Variants in MAP3K10 observed in about 807,000 individuals in gnomAD.
MAP3K10 encodes the protein MKN28 derived nonreceptor_type serine/threonine kinase.
Under a neutral mutation model 75.0 loss-of-function variants are expected in MAP3K10, and 22 were observed. The observed-to-expected ratio is 0.29, with a 90% confidence interval of 0.21 to 0.42. The LOEUF (loss-of-function observed/expected upper bound fraction) is 0.42, where lower values mean the gene tolerates loss of function less well. Ranked by LOEUF, MAP3K10 falls within the 10% of genes least tolerant of loss-of-function variation. MAP3K10 has a pLI of 1.00. For missense variants in MAP3K10, 1,165 were observed against 1,379.8 expected (o/e 0.84, Z 2.47); for synonymous variants, 599 against 612.9 (o/e 0.98, Z 0.34).
Position 40,213,351 on chromosome 19 carries a change from C to T in MAP3K10, c.1837+163C>T. 1 of 1,453,448 alleles carries T rather than the reference C, an allele frequency of 6.9e-7. No homozygotes were observed. Among genetic ancestry groups the T allele is most frequent in the Non-Finnish European group, 9.0e-7 (1 of 1,107,320 alleles). 90.0% of individuals were successfully genotyped at this position (1,453,448 alleles called of 1,614,324 possible). Reference sequence around the variant, plus strand: ...GGGCGTGGGGGGTCATTTCCAGGGGCAGGGACCACCCTTCTCTGAGGCTTC... The same window carrying T: ...GGGCGTGGGGGGTCATTTCCAGGGGTAGGGACCACCCTTCTCTGAGGCTTC... On this transcript the variant is annotated intron_variant, in intron 8 of 9. Coordinates refer to ENST00000253055, the MANE Select transcript of MAP3K10 (RefSeq NM_002446.4). This position sits in a 1 kb window ranked among gnomAD's most constrained non-coding sequence, Gnocchi z 5.7.
At chr19:40,203,068 G>A (rs750630532) in intron 2 of MAP3K10, among the ~76,000 whole-genome samples, 12 of 152,204 alleles carry the variant, frequency 7.9e-5, no homozygotes, top group African/African-American at 1.4e-4. Flanking sequence ...TGGGCCGGGC[G>A]CAGTGGCTCA....
At position 40,212,822 on chromosome 19, in the gene MAP3K10, G is replaced by A; in HGVS notation, c.1570G>A (p.Gly524Ser). The change falls in exon 7 of 10, where the codon GGT (glycine) becomes AGT (serine). Residue 524 changes from glycine (G) to serine (S), a missense_variant. This residue lies in a region of MAP3K10 where 575 missense variants were observed against 793.2 expected (regional missense o/e 0.72). Coordinates refer to ENST00000253055, the MANE Select transcript of MAP3K10 (RefSeq NM_002446.4). The surrounding 1 kb of genome is among the most constrained non-coding windows in gnomAD (Gnocchi z 4.2). ...RAIRLTPVDCGGSSSGSSSGG... is the reference protein window; with the variant it reads ...RAIRLTPVDCSGSSSGSSSGG... ...GGACCCAGTGACTCCCGTGGACTGT[G>A]GTGGCAGCAGCAGTGGCAGCAGCAG... 2 of 1,597,214 alleles carry A rather than the reference G, an allele frequency of 1.3e-6. No homozygotes were observed. The highest frequency in any genetic ancestry group is 1.7e-6 in the Non-Finnish European group (2 of 1,173,144).
rs1319899858 is a variant in MAP3K10, at chr19:40,191,985, G to A, written c.-47G>A. On this transcript the variant is annotated 5_prime_UTR_variant, in exon 1 of 10. Transcript: ENST00000253055. ...CCGGGGCCCGCCCTCTGCATCCCGC[G>A]GGCAGCCTGTGTGAAGCGGCCTCCC... 2.3e-6 allele frequency: 3 copies of A among 1,295,484 alleles called. No homozygotes were observed. Among genetic ancestry groups the A allele is most frequent in the Non-Finnish European group, 3.0e-6 (3 of 989,922 alleles). The allele number at this position is 1,295,484 out of a possible 1,614,324, so 80.2% of individuals were successfully genotyped here. A position where few individuals can be genotyped will look rare whatever the true frequency, so the allele number is the denominator to read the frequency against.
At chr19:40,214,945 ACCT>A in intron 9 of MAP3K10, 22 bp from the exon 10 acceptor site, 5 of 1,200,704 alleles carry the variant, frequency 4.2e-6, no homozygotes, top group Non-Finnish European at 6.1e-6. Context: ...CACCCCACTC[ACCT>A]CCTCTGAACC....
At chr19:40,214,383 G>C (rs1421286121) in intron 9 of MAP3K10, among the ~76,000 whole-genome samples, 162 bp downstream of exon 9, 1 of 152,156 alleles carries the variant, frequency 6.6e-6, no homozygotes, top group South Asian at 2.1e-4. Context: ...TGGAGGCATC[G>C]GGGGTCTCCA....
intron 5 of MAP3K10, among the ~76,000 whole-genome samples, chr19:40,208,071 A>G (rs1349428610): frequency 6.6e-6 from 1 of 152,092 alleles, no homozygotes; most frequent in African/African-American, 2.4e-5. Flanking sequence ...TAAAAGTTAG[A>G]GTTGAAAAAG....
chr19:40,211,672 C>T (rs1973243169), intron 6 of MAP3K10, among the ~76,000 whole-genome samples: 2 of 152,022 alleles, frequency 1.3e-5, no homozygotes, highest in Admixed American at 1.3e-4. Flanking sequence ...ATAATGGCTT[C>T]CAGCTCCATC....
intron 2 of MAP3K10, among the ~76,000 whole-genome samples, chr19:40,201,794 C>CTTTT (rs757199734): frequency 8.1e-6 from 1 of 123,414 alleles, no homozygotes. Context: ...CACACGCCAG[C>CTTTT]TTTTTTTTTT....
rs1972824334 is a variant in MAP3K10, at chr19:40,192,028, C to T, written c.-4C>T. 3 of 1,422,082 alleles carry T rather than the reference C, an allele frequency of 2.1e-6. No individual in the cohort carries two copies. Among genetic ancestry groups the T allele is most frequent in the Non-Finnish European group, 2.7e-6 (3 of 1,092,112 alleles). The allele number at this position is 1,422,082 out of a possible 1,614,324, so 88.1% of individuals were successfully genotyped here. ...GGCCTCCCGCAGCCCCCGGCCCCTC[C>T]CCCATGGAGGAGGAGGAGGGGGCGG... On this transcript the variant is annotated 5_prime_UTR_variant, in exon 1 of 10. Transcript: ENST00000253055. This position sits in a 1 kb window ranked among gnomAD's most constrained non-coding sequence, Gnocchi z 7.1.
chr19:40,192,624 A>C lies in MAP3K10; in HGVS notation c.593A>C (p.Asn198Thr). 1.2e-6 allele frequency: 2 copies of C among 1,610,870 alleles called. No individual in the cohort carries two copies. The highest frequency in any genetic ancestry group is 4.5e-5 in the East Asian group (2 of 44,860). ...GRRVPPHVLV[N>T]WAVQVARGMN... is the part of the protein sequence containing the mutation. ...CGGGTGCCACCTCACGTGCTGGTCA[A>C]CTGGGCTGTGCAGGTGGCCCGGGGC... Residue 198 changes from asparagine (N) to threonine (T), a missense_variant, in exon 1 of 10, where the codon AAC (asparagine) becomes ACC (threonine). This residue lies in a region of MAP3K10 where 575 missense variants were observed against 793.2 expected (regional missense o/e 0.72). Transcript: ENST00000253055. This position sits in a 1 kb window ranked among gnomAD's most constrained non-coding sequence, Gnocchi z 7.1.
chr19:40,199,733 G>A (rs1387639726), intron 2 of MAP3K10, among the ~76,000 whole-genome samples: 2 of 152,198 alleles, frequency 1.3e-5, no homozygotes, highest in African/African-American at 2.4e-5. Context: ...TATAATCCCA[G>A]TACTTTGGGA....
rs201251565 is a variant in MAP3K10, at chr19:40,213,214, G to A, written c.1837+26G>A. The stretch of plus-strand genomic sequence containing the variant: ...GTAAGAGCCTGGGTTCTTGTAAGGG[G>A]GTGGGGGTTCCCTGGCCAAAGGGGT... On this transcript the variant is annotated intron_variant, in intron 8 of 9. Coordinates refer to ENST00000253055, the MANE Select transcript of MAP3K10 (RefSeq NM_002446.4). The surrounding 1 kb of genome is among the most constrained non-coding windows in gnomAD (Gnocchi z 5.7). 1.3e-5 allele frequency: 20 copies of A among 1,539,000 alleles called. No homozygotes were observed. The highest frequency in any genetic ancestry group is 1.8e-5 in the Non-Finnish European group (20 of 1,141,470).
chr19:40,204,748 AG>A lies in MAP3K10; in HGVS notation c.1012+119del. ...CCAGTGGGCCCAGGAGTGAGGAAGAAGGGGCTGGAACCCACTGGACTCTAAA... is the reference window on the plus strand; with the variant it reads ...CCAGTGGGCCCAGGAGTGAGGAAGAAGGGCTGGAACCCACTGGACTCTAAA... On this transcript the variant is annotated intron_variant, in intron 3 of 9. Coordinates refer to ENST00000253055, the MANE Select transcript of MAP3K10 (RefSeq NM_002446.4). The surrounding 1 kb of genome is among the most constrained non-coding windows in gnomAD (Gnocchi z 4.3). 1.6e-6 allele frequency: 2 copies of A among 1,288,994 alleles called. No homozygotes were observed. Among genetic ancestry groups the A allele is most frequent in the Non-Finnish European group, 2.1e-6 (2 of 953,776 alleles). The allele number at this position is 1,288,994 out of a possible 1,614,324, so 79.8% of individuals were successfully genotyped here. A position where few individuals can be genotyped will look rare whatever the true frequency, so the allele number is the denominator to read the frequency against.
At chr19:40,209,267 C>T (rs376532789) in intron 6 of MAP3K10, 48 bp downstream of exon 6, 9 of 1,467,560 alleles carry the variant, frequency 6.1e-6, no homozygotes, top group South Asian at 5.7e-5. Flanking sequence ...AGTGAACAAA[C>T]ATTTTTTAGC....
chr19:40,208,372 A>ATTTTTTTT (rs1973173669), intron 5 of MAP3K10, among the ~76,000 whole-genome samples: 1 of 52,872 alleles, frequency 1.9e-5, no homozygotes, highest in African/African-American at 6.8e-5. Flanking sequence ...TTTTTTTTGT[A>ATTTTTTTT]TTTTTAGTAG....
At chr19:40,206,346 A>G in intron 5 of MAP3K10, 189 bp downstream of exon 5, 1 of 556,332 alleles carries the variant, frequency 1.8e-6, no homozygotes, top group Non-Finnish European at 2.9e-6. Flanking sequence ...AGGTGGGAGG[A>G]TCACTTGAGG....
At chr19:40,207,120 CATATAT>C (rs1229334660) in intron 5 of MAP3K10, among the ~76,000 whole-genome samples, 2 of 152,100 alleles carry the variant, frequency 1.3e-5, no homozygotes, top group Non-Finnish European at 2.9e-5. Flanking sequence ...TTAAGATATA[CATATAT>C]ATGCTGATAT....
Position 40,198,302 on chromosome 19 carries a change from G to A in MAP3K10, c.683-73G>A. On this transcript the variant is annotated intron_variant, in intron 1 of 9. Transcript: ENST00000253055. The surrounding 1 kb of genome is among the most constrained non-coding windows in gnomAD (Gnocchi z 4.3). ...AGAGGAAAGACGTGTTTCTAGCTGA[G>A]GCAGCGGGCCAGAACACTTGGGTCT... The A allele has an allele frequency of 1.4e-6, 2 of 1,421,964 alleles. No homozygotes were observed. The highest frequency in any genetic ancestry group is 4.7e-5 in the East Asian group (2 of 42,872). The allele number at this position is 1,421,964 out of a possible 1,614,324, so 88.1% of individuals were successfully genotyped here.
At chr19:40,214,899 T>C in intron 9 of MAP3K10, 71 bp from the exon 10 acceptor site, 1 of 713,832 alleles carries the variant, frequency 1.4e-6, no homozygotes, top group Non-Finnish European at 2.4e-6. Flanking sequence ...GCTTTTCATG[T>C]AACAGCTCTG....
Sources: allele counts gnomAD v4.1 joint callset (sites outside exome capture counted in the v4.1 genomes callset), GRCh38; gene constraint gnomAD v4.1.1; regional missense constraint gnomAD v4.1.1; non-coding constraint Gnocchi (gnomAD v3.1); transcripts MANE v1.5; gene names NCBI Gene and HGNC (gene_info 2026-07-23, HGNC 2026-07-21).